Variants in ABCA12 observed in about 807,000 individuals in gnomAD.
The protein encoded by ABCA12 is glucosylceramide transporter ABCA12.
Under a neutral mutation model 293.5 loss-of-function variants are expected in ABCA12, and 156 were observed. The observed-to-expected ratio is 0.53, with a 90% confidence interval of 0.47 to 0.61. The LOEUF (loss-of-function observed/expected upper bound fraction) is 0.61, where lower values mean the gene tolerates loss of function less well. Ranked by LOEUF, ABCA12 falls within the 20% of genes least tolerant of loss-of-function variation. ABCA12 has a pLI of 0.00. For synonymous variants in ABCA12, 1,063 were observed against 1,108.0 expected (o/e 0.96, Z 0.81); for missense variants, 2,797 against 3,090.2 (o/e 0.91, Z 2.25).
chr2:215,132,996 G>A (rs1575064832), intron 1 of ABCA12, among the ~76,000 whole-genome samples: 1 of 151,740 alleles, frequency 6.6e-6, no homozygotes, highest in Non-Finnish European at 1.5e-5. Context: ...AGTTTGGCAG[G>A]ATATAAAATT....
chr2:215,075,673 T>C (rs1701821283), intron 2 of ABCA12: 2 of 626,770 alleles, frequency 3.2e-6, no homozygotes, highest in East Asian at 2.9e-5. Flanking sequence ...AAGATTATGT[T>C]TGGAAATCAA....
chr2:215,040,503 C>T (rs1003536905), intron 7 of ABCA12, among the ~76,000 whole-genome samples: 1 of 152,094 alleles, frequency 6.6e-6, no homozygotes, highest in Non-Finnish European at 1.5e-5. Context: ...ACCTTCCATG[C>T]TATTGGTGAG....
Position 214,958,434 on chromosome 2 carries a change from A to G in ABCA12, c.5960T>C (p.Ile1987Thr). 1 of 1,613,892 alleles carries G rather than the reference A, an allele frequency of 6.2e-7. No individual in the cohort carries two copies. Among genetic ancestry groups the G allele is most frequent in the Non-Finnish European group, 8.5e-7 (1 of 1,179,854 alleles). ...CATCAAGATAGACAGTGCCACTAAAATATCGATTAAACTGCTGATTCTAGA... is the reference window on the plus strand; with the variant it reads ...CATCAAGATAGACAGTGCCACTAAAGTATCGATTAAACTGCTGATTCTAGA... ...EQATISSLID[I>T]LVALSILMGY... The change falls in exon 41 of 53, where the codon ATT becomes ACT. Residue 1987 changes from isoleucine to threonine, a missense_variant. Ile to Thr is a moderately conservative substitution (Grantham distance 89). Around this residue, in one of 3 missense-constraint regions of ABCA12, gnomAD observed 2,130 missense variants for 2,427.0 expected, o/e 0.88. Transcript: ENST00000272895.
At chr2:214,985,011 TC>T (rs1260050584) in intron 28 of ABCA12, among the ~76,000 whole-genome samples, 2 of 152,160 alleles carry the variant, frequency 1.3e-5, no homozygotes, top group African/African-American at 4.8e-5. Flanking sequence ...CAAGGAAAGG[TC>T]CTGTTTTCTA....
At chr2:215,038,692 G>A (rs879506335) in intron 7 of ABCA12, among the ~76,000 whole-genome samples, 15 of 152,284 alleles carry the variant, frequency 9.9e-5, no homozygotes, top group Admixed American at 7.8e-4. Context: ...AATCTTGGTC[G>A]GCCTTCAAGC....
At position 215,054,636 on chromosome 2, in the gene ABCA12, C is replaced by T; in HGVS notation, c.346G>A (p.Asp116Asn). ...TGGAATGATAAACTGCTGTCCTTATCCAGGTTGGATGACTTTCTCAGAATC... is the reference window on the plus strand; with the variant it reads ...TGGAATGATAAACTGCTGTCCTTATTCAGGTTGGATGACTTTCTCAGAATC... ...SEILRKSSNL[D>N]KDSSLSFQST... is the part of the protein sequence containing the mutation. Residue 116 changes from aspartate (D) to asparagine (N), a missense_variant, in exon 4 of 53, where the codon GAT becomes AAT. This residue lies in a region of ABCA12 where 656 missense variants were observed against 638.2 expected (regional missense o/e 1.03). Coordinates refer to ENST00000272895, the MANE Select transcript of ABCA12 (RefSeq NM_173076.3). The T allele has an allele frequency of 1.2e-6, 2 of 1,612,018 alleles. No homozygotes were observed. The highest frequency in any genetic ancestry group is 1.7e-6 in the Non-Finnish European group (2 of 1,178,498).
At chr2:215,083,224 T>A (rs539026539) in intron 2 of ABCA12, among the ~76,000 whole-genome samples, 3 of 152,228 alleles carry the variant, frequency 2.0e-5, no homozygotes, top group African/African-American at 7.2e-5. Flanking sequence ...GACATATCTA[T>A]AGAAATTACT....
chr2:214,943,129 T>G (rs971956043), intron 49 of ABCA12, 112 bp from the exon 50 acceptor site: 7 of 820,342 alleles, frequency 8.5e-6, no homozygotes, highest in Non-Finnish European at 1.4e-5. Flanking sequence ...ACTATTTTAG[T>G]TTTTTTCTTT....
chr2:215,039,290 G>T (rs1373581700), intron 7 of ABCA12, among the ~76,000 whole-genome samples: 1 of 152,074 alleles, frequency 6.6e-6, no homozygotes, highest in Non-Finnish European at 1.5e-5. Context: ...TCTATTACTT[G>T]TTCAACAAAG....
At chr2:214,978,506 T>A in intron 32 of ABCA12, 40 bp from the exon 33 acceptor site, 2 of 1,601,284 alleles carry the variant, frequency 1.2e-6, no homozygotes, top group South Asian at 2.2e-5. Context: ...ACATGAAAAG[T>A]GCATGTCTTT....
chr2:214,975,622 A>G (rs1251309677), intron 34 of ABCA12, among the ~76,000 whole-genome samples, 163 bp downstream of exon 34: 1 of 152,240 alleles, frequency 6.6e-6, no homozygotes, highest in African/African-American at 2.4e-5. Flanking sequence ...TGGCAATAGA[A>G]GTAACATATT....
intron 2 of ABCA12, among the ~76,000 whole-genome samples, chr2:215,100,194 ATT>A (rs946671910): frequency 4.0e-5 from 6 of 151,738 alleles, no homozygotes; most frequent in African/African-American, 1.2e-4. Flanking sequence ...TTTTATTTTT[ATT>A]TTTTTGTAGA....
chr2:215,055,716 G>GAAA (rs1701407438), intron 3 of ABCA12, among the ~76,000 whole-genome samples: 1 of 151,744 alleles, frequency 6.6e-6, no homozygotes, highest in African/African-American at 2.4e-5. Flanking sequence ...AAAAGAAAAA[G>GAAA]AAGTGATATT....
In ABCA12 at chr2:214,990,752, C is replaced by T; in HGVS notation, c.3574G>A (p.Val1192Ile). The T allele has an allele frequency of 3.1e-6, 5 of 1,613,996 alleles. No homozygotes were observed. Among genetic ancestry groups the T allele is most frequent in the African/African-American group, 1.3e-5 (1 of 75,020 alleles). ...IYIIAFFPFI[V>I]LVTVENELSY... ...AACTCATTCTCCACTGTAACCAGAA[C>T]AATAAATGGAAAGAAGGCAATGATG... The change falls in exon 24 of 53, where the codon GTT (valine) becomes ATT (isoleucine). Residue 1192 changes from valine (V) to isoleucine (I), a missense_variant. Transcript: ENST00000272895.
intron 11 of ABCA12, chr2:215,023,810 GT>G (rs1410390794): frequency 6.6e-6 from 1 of 152,202 alleles, no homozygotes; most frequent in Admixed American, 6.5e-5. Context: ...CAAGTAATAA[GT>G]TCCAAAGGCC....
In ABCA12 at chr2:214,954,183, T is replaced by C. The variant is rs566681214; in HGVS notation, c.6394-76A>G. 8.3e-5 allele frequency: 124 copies of C among 1,490,706 alleles called. 3 individuals carry two copies. The South Asian group carries it at 1.3e-3, about 16-fold the overall frequency. 92.3% of individuals were successfully genotyped at this position (1,490,706 alleles called of 1,614,324 possible). ...TGACAAAAATTTAAAACTAGATGGA[T>C]GTAGACAAATAGTGAAACCTAAAAA... On this transcript the variant is annotated intron_variant, in intron 43 of 52. Transcript: ENST00000272895.
chr2:215,004,183 TAAAAG>T, intron 20 of ABCA12, 21 bp downstream of exon 20: 1 of 1,581,586 alleles, frequency 6.3e-7, no homozygotes, highest in Non-Finnish European at 8.7e-7. Flanking sequence ...GACTCATGAA[TAAAAG>T]CTTTGTGAAT....
At chr2:215,103,846 G>A (rs73987798) in intron 2 of ABCA12, among the ~76,000 whole-genome samples, 6,011 of 152,058 alleles carry the variant, frequency 0.04, 371 homozygotes, top group African/African-American at 0.13. Context: ...CATTAGCCAG[G>A]TATCTTGGTG....
At chr2:215,088,942 A>G (rs897301526) in intron 2 of ABCA12, among the ~76,000 whole-genome samples, 1 of 152,174 alleles carries the variant, frequency 6.6e-6, no homozygotes, top group Non-Finnish European at 1.5e-5. Flanking sequence ...ATTCATGTAT[A>G]TCATTCATAT....
Sources: allele counts gnomAD v4.1 joint callset (sites outside exome capture counted in the v4.1 genomes callset), GRCh38; gene constraint gnomAD v4.1.1; regional missense constraint gnomAD v4.1.1; transcripts MANE v1.5; gene names NCBI Gene and HGNC (gene_info 2026-07-23, HGNC 2026-07-21).